Variants in OR2L2 observed in about 807,000 individuals in gnomAD.
OR2L2 encodes olfactory receptor 2L2.
For missense variants in OR2L2, 378 were observed against 375.2 expected (o/e 1.01, Z -0.06); for synonymous variants, 156 against 135.4 (o/e 1.15, Z -1.06).
Position 248,038,452 on chromosome 1 carries a change from T to G in OR2L2, c.185T>G (p.Leu62Arg). ...CTCCACACACCTATGTATTTCCTACTTAGTCAGCTCTCCCTCATTGACCTA... is the reference window on the plus strand; with the variant it reads ...CTCCACACACCTATGTATTTCCTACGTAGTCAGCTCTCCCTCATTGACCTA... The part of the protein sequence containing the change: ...IHLHTPMYFL[L>R]SQLSLIDLNY... Residue 62 changes from leucine (L) to arginine (R), a missense_variant, in exon 3 of 3, where the codon CTT (leucine) becomes CGT (arginine). Coordinates refer to ENST00000641771, the MANE Select transcript of OR2L2 (RefSeq NM_001385855.1). The G allele has an allele frequency of 6.2e-7, 1 of 1,613,880 alleles. No individual in the cohort carries two copies. Among genetic ancestry groups the G allele is most frequent in the Non-Finnish European group, 8.5e-7 (1 of 1,179,766 alleles).
chr1:248,039,163 C>T lies in OR2L2; in HGVS notation c.896C>T (p.Ala299Val), dbSNP rs773467477. 18 of 1,612,222 alleles carry T rather than the reference C, an allele frequency of 1.1e-5. No homozygotes were observed. The East Asian group carries it at 3.6e-4, about 32-fold the overall frequency. Reference protein sequence around the residue: ...YSLRNKEVMGALTQVIQKIFS... With the variant: ...YSLRNKEVMGVLTQVIQKIFS... Reference sequence around the variant, plus strand: ...CTGAGAAACAAGGAGGTGATGGGGGCCCTGACACAAGTGATTCAGAAAATC... The same window carrying T: ...CTGAGAAACAAGGAGGTGATGGGGGTCCTGACACAAGTGATTCAGAAAATC... Residue 299 changes from alanine to valine, a missense_variant, in exon 3 of 3, where the codon GCC (alanine) becomes GTC (valine). By Grantham distance (64) the Ala-to-Val change is moderately conservative (BLOSUM62 0). Transcript: ENST00000641771.
chr1:248,035,674 A>T (rs954338737), intron 2 of OR2L2, 50 bp downstream of exon 2: 1 of 151,990 alleles, frequency 6.6e-6, no homozygotes, highest in Non-Finnish European at 1.5e-5. Context: ...TTGTCCATGT[A>T]TTTTCAAACA....
intron 1 of OR2L2, among the ~76,000 whole-genome samples, chr1:248,031,533 G>A (rs1373507065): frequency 6.6e-6 from 1 of 152,198 alleles, no homozygotes; most frequent in South Asian, 2.1e-4. Flanking sequence ...TGACATGCAG[G>A]GGGTGAGGAG....
At chr1:248,033,844 C>G (rs1255930102) in intron 1 of OR2L2, among the ~76,000 whole-genome samples, 3 of 152,114 alleles carry the variant, frequency 2.0e-5, no homozygotes, top group African/African-American at 7.2e-5. Context: ...GATGCTCACT[C>G]TTACCTCTTC....
Position 248,039,009 on chromosome 1 carries a change from TC to T in OR2L2, c.744del (p.Phe249SerfsTer43). ...CTGTAGCACCCACCTCACTGTAGTG[TC>T]CTTCTACTATGCACCCTTTGCTTAT... ...STCSTHLTVV[S>X]FYYAPFAYTY... is the part of the protein sequence containing the mutation. On this transcript the variant is annotated frameshift_variant, in exon 3 of 3. Coordinates refer to ENST00000641771, the MANE Select transcript of OR2L2 (RefSeq NM_001385855.1). LOFTEE classifies it low-confidence loss of function (END_TRUNC). The T allele has an allele frequency of 6.2e-7, 1 of 1,614,064 alleles. No individual in the cohort carries two copies. Among genetic ancestry groups the T allele is most frequent in the Non-Finnish European group, 8.5e-7 (1 of 1,180,010 alleles).
Position 248,038,885 on chromosome 1 carries a change from T to G in OR2L2, c.618T>G (p.Leu206=). The change falls in exon 3 of 3, where the codon CTT becomes CTG. Residue 206 remains leucine (L), a synonymous_variant. Transcript: ENST00000641771. ...STVFLSSTIF[L]VLPFTGIACS... Reference sequence around the variant, plus strand: ...TGTTTTTGAGCAGCACCATCTTTCTTGTGCTTCCTTTCACTGGTATTGCAT... The same window carrying G: ...TGTTTTTGAGCAGCACCATCTTTCTGGTGCTTCCTTTCACTGGTATTGCAT... The G allele has an allele frequency of 1.2e-6, 2 of 1,614,198 alleles. No homozygotes were observed. The highest frequency in any genetic ancestry group is 1.7e-6 in the Non-Finnish European group (2 of 1,180,034).
intron 1 of OR2L2, among the ~76,000 whole-genome samples, chr1:248,031,338 G>A (rs777657099): frequency 1.6e-4 from 25 of 152,142 alleles, no homozygotes. Context: ...TTGTAACATC[G>A]CAGAACACAT....
chr1:248,041,379 A>C lies in OR2L2; in HGVS notation c.*2173A>C, dbSNP rs1184877812. The C allele has an allele frequency of 6.6e-6, 1 of 152,166 alleles. No individual in the cohort carries two copies. The highest frequency in any genetic ancestry group is 1.5e-5 in the Non-Finnish European group (1 of 68,008). The allele number at this position is 152,166 out of a possible 1,614,324, so 9.4% of individuals were successfully genotyped here. On this transcript the variant is annotated 3_prime_UTR_variant, in exon 3 of 3. Coordinates refer to ENST00000641771, the MANE Select transcript of OR2L2 (RefSeq NM_001385855.1). ...CAATTCAAGATGGATTAAAGACTTA[A>C]ACGTTAGACCTAAAACCATAAAAAC... is the stretch of plus-strand genomic sequence containing the variant.
Position 248,038,082 on chromosome 1 carries a change from A to G in OR2L2, c.-21-165A>G, listed in dbSNP as rs1221564041. On this transcript the variant is annotated intron_variant, in intron 2 of 2. Transcript: ENST00000641771. ...ATTTTTGTTAATCTCTTCCTTGCCT[A>G]ATTTATAAATTAAAGTTTATAATAT... 1.8e-5 allele frequency: 9 copies of G among 494,198 alleles called. No homozygotes were observed. The Admixed American group carries it at 3.0e-4, about 17-fold the overall frequency. The allele number at this position is 494,198 out of a possible 1,614,324, so 30.6% of individuals were successfully genotyped here. A position where few individuals can be genotyped will look rare whatever the true frequency, so the allele number is the denominator to read the frequency against.
At chr1:248,030,393 G>A (rs1175322349) in intron 1 of OR2L2, among the ~76,000 whole-genome samples, 158 bp downstream of exon 1, 1 of 152,146 alleles carries the variant, frequency 6.6e-6, no homozygotes, top group African/African-American at 2.4e-5. Context: ...AAATATTGGA[G>A]TATGAAATGC....
rs746504289 is a variant in OR2L2 at position 248,038,410 on chromosome 1, T to C, written c.143T>C (p.Ile48Thr). The change falls in exon 3 of 3, where the codon ATC becomes ACC. Residue 48 changes from isoleucine (I) to threonine (T), a missense_variant. By Grantham distance (89) the Ile-to-Thr change is moderately conservative (BLOSUM62 -1). Transcript: ENST00000641771. ...LIGNLSMILL[I>T]FLDIHLHTPM... ...GGAAATCTATCCATGATTCTTCTCATCTTTTTGGACATCCATCTCCACACA... is the reference window on the plus strand; with the variant it reads ...GGAAATCTATCCATGATTCTTCTCACCTTTTTGGACATCCATCTCCACACA... The C allele has an allele frequency of 6.2e-7, 1 of 1,613,848 alleles. No individual in the cohort carries two copies. Among genetic ancestry groups the C allele is most frequent in the Non-Finnish European group, 8.5e-7 (1 of 1,179,744 alleles).
intron 2 of OR2L2, among the ~76,000 whole-genome samples, chr1:248,037,677 T>A (rs11585852): frequency 0.3 from 45,990 of 152,136 alleles, 11,202 homozygotes; most frequent in African/African-American, 0.68. Context: ...TTCACAGCCT[T>A]ACTAAACTAA....
chr1:248,037,701 C>A (rs2103095311), intron 2 of OR2L2, among the ~76,000 whole-genome samples: 1 of 152,260 alleles, frequency 6.6e-6, no homozygotes, highest in African/African-American at 2.4e-5. Context: ...TTTTTAAAAA[C>A]AATTGGCTTA....
intron 2 of OR2L2, among the ~76,000 whole-genome samples, chr1:248,036,869 C>A (rs1179337521): frequency 1.3e-5 from 2 of 151,980 alleles, no homozygotes; most frequent in Non-Finnish European, 2.9e-5. Flanking sequence ...CTTTATGGAT[C>A]TTAACAAAAA....
intron 1 of OR2L2, among the ~76,000 whole-genome samples, chr1:248,033,369 G>T (rs908040597): frequency 6.6e-6 from 1 of 152,102 alleles, no homozygotes; most frequent in Middle Eastern, 3.4e-3. Context: ...TGGTTTGCTT[G>T]CCAAAAAAAT....
intron 1 of OR2L2, among the ~76,000 whole-genome samples, chr1:248,032,529 C>G (rs749511947): frequency 6.6e-6 from 1 of 152,114 alleles, no homozygotes; most frequent in African/African-American, 2.4e-5. Context: ...TTCCCCCATC[C>G]CCAGGGGTCC....
intron 2 of OR2L2, among the ~76,000 whole-genome samples, chr1:248,037,114 G>A (rs1464338391): frequency 6.6e-6 from 1 of 152,014 alleles, no homozygotes; most frequent in Non-Finnish European, 1.5e-5. Context: ...ATTTGATGGT[G>A]GTGGACATTC....
rs1401482387 is a variant in OR2L2 at position 248,036,441 on chromosome 1, T to A, written c.-22+817T>A. ...CTTCATTCCTGAAAATAGGAATTCT[T>A]AATTTTAAAAACTCACTCTTTTTGC... On this transcript the variant is annotated intron_variant, in intron 2 of 2. Coordinates refer to ENST00000641771, the MANE Select transcript of OR2L2 (RefSeq NM_001385855.1). 2.0e-5 allele frequency among the ~76,000 whole-genome samples: 3 copies of A among 152,194 alleles called. 1 individual carries two copies. The highest frequency in any genetic ancestry group is 7.2e-5 in the African/African-American group (3 of 41,454).
At chr1:248,035,990 CTTATAA>C (rs200348159) in intron 2 of OR2L2, among the ~76,000 whole-genome samples, 5,441 of 152,108 alleles carry the variant, frequency 0.036, 326 homozygotes, top group African/African-American at 0.12. Flanking sequence ...CTCTCAAAAA[CTTATAA>C]TTAAAATTTT....
Sources: gnomAD v4.1 joint callset for allele counts (sites outside exome capture counted in the v4.1 genomes callset) on GRCh38, gnomAD v4.1.1 for gene constraint, MANE v1.5 for transcripts, NCBI Gene and HGNC (gene_info 2026-07-23, HGNC 2026-07-21) for gene names.